The following AKAP1 variants were observed in gnomAD, a reference collection of about 807,000 sequenced individuals.
AKAP1 encodes the protein A-kinase anchoring protein 1, also known as A-kinase anchor protein 1, mitochondrial.
Under a neutral mutation model 79.8 loss-of-function variants are expected in AKAP1, and 32 were observed. The ratio of observed to expected loss-of-function variants is 0.40; its 90% CI spans 0.30 to 0.54. AKAP1 has a LOEUF of 0.54. Among genes scored for constraint, AKAP1 ranks in the 20% least tolerant of loss-of-function variants. The probability of loss-of-function intolerance (pLI) is 0.47; values close to 1 mark genes in which losing one functional copy is unlikely to be tolerated. For synonymous variants in AKAP1, 416 were observed against 466.7 expected (o/e 0.89, Z 1.40); for missense variants, 961 against 1,138.9 (o/e 0.84, Z 2.25).
At chr17:57,109,669 G>A (rs544622171) in intron 2 of AKAP1, among the ~76,000 whole-genome samples, 31 of 152,278 alleles carry the variant, frequency 2.0e-4, no homozygotes, top group Admixed American at 5.2e-4. Flanking sequence ...GGACCATGTG[G>A]ACCTCAAGCG....
chr17:57,116,294 C>T lies in AKAP1; in HGVS notation c.2432+33C>T, dbSNP rs374027097. The T allele has an allele frequency of 1.9e-6, 3 of 1,612,528 alleles. No individual in the cohort carries two copies. The African/African-American group carries it at 4.0e-5, about 22-fold the overall frequency. On this transcript the variant is annotated intron_variant, in intron 7 of 10. Transcript: ENST00000337714. ...GAGATGCCTCAGGCAGGCCTACGCCCTGCTTGTTCTGGGATGCGTGATCTC... is the reference window on the plus strand; with the variant it reads ...GAGATGCCTCAGGCAGGCCTACGCCTTGCTTGTTCTGGGATGCGTGATCTC...
intron 6 of AKAP1, 65 bp downstream of exon 6, chr17:57,114,701 T>A: frequency 1.4e-6 from 2 of 1,433,936 alleles, no homozygotes; most frequent in Non-Finnish European, 1.9e-6. Flanking sequence ...CCCTGGATCC[T>A]GATCAGGAGG....
rs1915145723 is a variant in AKAP1, at chr17:57,110,096, GC to G, written c.1789del (p.Gln597ArgfsTer22). On this transcript the variant is annotated frameshift_variant, in exon 3 of 11. Transcript: ENST00000337714. LOFTEE classifies it high-confidence loss of function. Reference sequence around the variant, plus strand: ...CAAGAAGACTGAGAGCTTCCAAAATGCCCAGGCAGGCTCCAACCCTAAGAAG... The same window carrying G: ...CAAGAAGACTGAGAGCTTCCAAAATGCCAGGCAGGCTCCAACCCTAAGAAG... ...SLKKTESFQN[A>X]QAGSNPKKVD... The G allele has an allele frequency of 1.9e-6, 3 of 1,614,012 alleles. No homozygotes were observed. Among genetic ancestry groups the G allele is most frequent in the Non-Finnish European group, 2.5e-6 (3 of 1,180,022 alleles).
intron 1 of AKAP1, among the ~76,000 whole-genome samples, chr17:57,102,957 G>A (rs1204754172): frequency 1.3e-5 from 2 of 152,114 alleles, no homozygotes; most frequent in East Asian, 3.9e-4. Context: ...GTGGGCGCCT[G>A]TAGACCCAGC....
intron 9 of AKAP1, 74 bp downstream of exon 9, chr17:57,118,528 C>A: frequency 6.7e-7 from 1 of 1,491,978 alleles, no homozygotes; most frequent in Non-Finnish European, 9.3e-7. Flanking sequence ...GCCTTCTTTC[C>A]TGTGGCTTGG....
Position 57,111,887 on chromosome 17 carries a change from G to A in AKAP1, c.1938G>A (p.Leu646=). 1 of 1,614,096 alleles carries A rather than the reference G, an allele frequency of 6.2e-7. No homozygotes were observed. The highest frequency in any genetic ancestry group is 8.5e-7 in the Non-Finnish European group (1 of 1,180,028). The part of the protein sequence containing the change: ...TSGAKIYIST[L]PYTQSVQICH... ...GTGCCAAGATCTACATTTCAACCCT[G>A]CCTTACACCCAGAGCGTCCAGATCT... Residue 646 remains leucine, a synonymous_variant, in exon 4 of 11, where the codon CTG becomes CTA. Coordinates refer to ENST00000337714, the MANE Select transcript of AKAP1 (RefSeq NM_003488.4).
intron 1 of AKAP1, 69 bp from the exon 2 acceptor site, chr17:57,105,372 G>A (rs1914778788): frequency 6.9e-7 from 1 of 1,449,112 alleles, no homozygotes; most frequent in African/African-American, 1.4e-5. Context: ...TGTCTTGCAT[G>A]TGCGGTTGCC....
At chr17:57,118,330 T>C in intron 8 of AKAP1, 51 bp from the exon 9 acceptor site, 3 of 1,547,484 alleles carry the variant, frequency 1.9e-6, no homozygotes, top group Non-Finnish European at 2.7e-6. Flanking sequence ...ATGACAAGGG[T>C]GCCTTGCCTC....
At chr17:57,105,009 G>A (rs1914753650) in intron 1 of AKAP1, among the ~76,000 whole-genome samples, 1 of 152,222 alleles carries the variant, frequency 6.6e-6, no homozygotes, top group African/African-American at 2.4e-5. Context: ...AGGGAACCAT[G>A]CACATGTGGA....
intron 1 of AKAP1, among the ~76,000 whole-genome samples, chr17:57,104,365 A>G (rs1225337558): frequency 2.0e-5 from 3 of 152,218 alleles, no homozygotes; most frequent in Non-Finnish European, 2.9e-5. Context: ...TCTGCAGGAT[A>G]AAGTCCAGAC....
At chr17:57,111,770 C>T (rs1227374825) in intron 3 of AKAP1, 28 bp from the exon 4 acceptor site, 5 of 1,612,472 alleles carry the variant, frequency 3.1e-6, no homozygotes, top group East Asian at 2.2e-5. Context: ...CCCTTTAACC[C>T]TCTCATCTCT....
At chr17:57,100,935 AT>A (rs1914469307) in intron 1 of AKAP1, among the ~76,000 whole-genome samples, 1 of 152,202 alleles carries the variant, frequency 6.6e-6, no homozygotes, top group Non-Finnish European at 1.5e-5. Flanking sequence ...AGGCTGAGGC[AT>A]AAGAATCACT....
intron 1 of AKAP1, chr17:57,095,781 G>A (rs1914073855): frequency 6.6e-6 from 1 of 152,104 alleles, no homozygotes; most frequent in Non-Finnish European, 1.5e-5. Context: ...TCAGGTTGTT[G>A]TCAGATTGCC....
intron 1 of AKAP1, among the ~76,000 whole-genome samples, chr17:57,091,679 A>ATTATTTATTTATTTATTTAT (rs368217273): frequency 8.4e-4 from 126 of 150,896 alleles, no homozygotes; most frequent in Middle Eastern, 3.4e-3. Flanking sequence ...CATTAAAAAC[A>ATTATTTATTTATTTATTTAT]TTATTTATTT....
chr17:57,101,928 G>A (rs550373415), intron 1 of AKAP1, among the ~76,000 whole-genome samples: 2 of 152,094 alleles, frequency 1.3e-5, no homozygotes, highest in African/African-American at 4.8e-5. Flanking sequence ...TTTGTTTTAC[G>A]TATCCAGGTG....
intron 1 of AKAP1, chr17:57,092,613 CCT>C (rs2144639031): frequency 6.6e-6 from 1 of 152,280 alleles, no homozygotes; most frequent in African/African-American, 2.4e-5. Flanking sequence ...AAAGCAAGCC[CCT>C]GTTTACCTAC....
intron 1 of AKAP1, among the ~76,000 whole-genome samples, chr17:57,099,176 G>T (rs1914324952): frequency 6.6e-6 from 1 of 152,062 alleles, no homozygotes. Context: ...CTGATCCCAG[G>T]GTCTCTTGGC....
chr17:57,114,531 C>A lies in AKAP1; in HGVS notation c.2176C>A (p.Gln726Lys). The change falls in exon 6 of 11, where the codon CAG (glutamine) becomes AAG (lysine). Residue 726 changes from glutamine to lysine, a missense_variant. Around this residue, in one of 3 missense-constraint regions of AKAP1, gnomAD observed 629 missense variants for 781.1 expected, o/e 0.81. Coordinates refer to ENST00000337714, the MANE Select transcript of AKAP1 (RefSeq NM_003488.4). ...GGTCAATGCCGGGCACCTGTTCGTG[C>A]AGCAGCACACACACCCTACCTTCCA... ...NQVNAGHLFV[Q>K]QHTHPTFHAL... 2 of 1,614,220 alleles carry A rather than the reference C, an allele frequency of 1.2e-6. No individual in the cohort carries two copies. The highest frequency in any genetic ancestry group is 1.7e-6 in the Non-Finnish European group (2 of 1,180,038).
At position 57,106,864 on chromosome 17, in the gene AKAP1, T is replaced by C. The variant is rs2144722767; in HGVS notation, c.1400T>C (p.Leu467Pro). The C allele has an allele frequency of 1.9e-6, 3 of 1,614,002 alleles. No individual in the cohort carries two copies. The highest frequency in any genetic ancestry group is 2.5e-6 in the Non-Finnish European group (3 of 1,179,866). ...ATCTCCCTGGCCTCCTGCCTGGCAC[T>C]GACCACCCCCAGTGAAGAGTTGCCG... is the stretch of plus-strand genomic sequence containing the variant. Reference protein sequence around the residue: ...HHISLASCLALTTPSEELPDR... With the variant: ...HHISLASCLAPTTPSEELPDR... The change falls in exon 2 of 11, where the codon CTG becomes CCG. Residue 467 changes from leucine to proline, a missense_variant. This residue lies in a region of AKAP1 where 629 missense variants were observed against 781.1 expected (regional missense o/e 0.81). Transcript: ENST00000337714.
Sources: gnomAD v4.1 joint callset for allele counts (sites outside exome capture counted in the v4.1 genomes callset) on GRCh38, gnomAD v4.1.1 for gene constraint, gnomAD v4.1.1 regional missense constraint, MANE v1.5 for transcripts, NCBI Gene and HGNC (gene_info 2026-07-23, HGNC 2026-07-21) for gene names.